The following CLCA4 variants were observed in gnomAD, a reference collection of about 807,000 sequenced individuals.
The protein encoded by CLCA4 is chloride channel accessory 4.
Under a neutral mutation model 78.9 loss-of-function variants are expected in CLCA4, and 69 were observed. That is an observed-to-expected ratio of 0.87 (90% CI 0.72 to 1.07). The LOEUF is 1.07. Ranked by LOEUF, CLCA4 falls within the 50% of genes least tolerant of loss-of-function variation. The pLI is 0.00. For synonymous variants in CLCA4, 362 were observed against 375.8 expected (o/e 0.96, Z 0.42); for missense variants, 1,133 against 1,095.8 (o/e 1.03, Z -0.48).
rs1650635868 is a variant in CLCA4, at chr1:86,579,401, C to A, written c.2170C>A (p.Gln724Lys). The A allele has an allele frequency of 8.1e-6, 13 of 1,613,102 alleles. No individual in the cohort carries two copies. The highest frequency in any genetic ancestry group is 1.1e-5 in the Non-Finnish European group (13 of 1,179,476). ...PPRPEIDEDT[Q>K]TTLEDFSRTA... is the part of the protein sequence containing the mutation. ...AAGACCTGAAATTGATGAGGATACT[C>A]AGACCACCTTGGAGGATTTCAGCCG... The change falls in exon 13 of 14, where the codon CAG becomes AAG. Residue 724 changes from glutamine (Q) to lysine (K), a missense_variant. By Grantham distance (53) the Gln-to-Lys change is moderately conservative. Coordinates refer to ENST00000370563, the MANE Select transcript of CLCA4 (RefSeq NM_012128.4).
chr1:86,579,549 C>G lies in CLCA4; in HGVS notation c.2318C>G (p.Thr773Arg). Residue 773 changes from threonine to arginine, a missense_variant, in exon 13 of 14, where the codon ACA becomes AGA. By Grantham distance (71) the Thr-to-Arg change is moderately conservative. Transcript: ENST00000370563. The stretch of plus-strand genomic sequence containing the variant: ...GTTCATGAGGATAAGATTATTCTTA[C>G]ATGGACAGCACCAGGAGATAATTTT... ...ATVHEDKIILTWTAPGDNFDV... is the reference protein window; with the variant it reads ...ATVHEDKIILRWTAPGDNFDV... The G allele has an allele frequency of 1.2e-6, 2 of 1,611,864 alleles. No homozygotes were observed. The highest frequency in any genetic ancestry group is 2.2e-5 in the South Asian group (2 of 91,016).
chr1:86,565,186 T>A lies in CLCA4; in HGVS notation c.558-88T>A, dbSNP rs746862618. 4.7e-6 allele frequency: 4 copies of A among 855,002 alleles called. No homozygotes were observed. In the East Asian group the frequency reaches 7.6e-5, roughly 16 times the overall value. The allele number at this position is 855,002 out of a possible 1,614,324, so 53.0% of individuals were successfully genotyped here. A position where few individuals can be genotyped will look rare whatever the true frequency, so the allele number is the denominator to read the frequency against. ...CCATAGAAGAATAAACATCTTGATA[T>A]AAAGTTCATCATGAATAGAACCACT... On this transcript the variant is annotated intron_variant, in intron 4 of 13. Coordinates refer to ENST00000370563, the MANE Select transcript of CLCA4 (RefSeq NM_012128.4).
At chr1:86,552,390 G>A (rs750925771) in intron 1 of CLCA4, among the ~76,000 whole-genome samples, 7 of 152,224 alleles carry the variant, frequency 4.6e-5, no homozygotes, top group Non-Finnish European at 8.8e-5. Context: ...CCAGAGAGGA[G>A]AAGTCTTCCA....
Position 86,574,513 on chromosome 1 carries a change from CA to C in CLCA4, c.1468-26del, listed in dbSNP as rs538845344. On this transcript the variant is annotated intron_variant, in intron 9 of 13. Coordinates refer to ENST00000370563, the MANE Select transcript of CLCA4 (RefSeq NM_012128.4). ...GAATAAAATTACTGTCTTCTGCAGT[CA>C]TTAATTTTGAAATCTATTTAAACAG... The C allele has an allele frequency of 4.9e-4, 750 of 1,544,132 alleles. 4 individuals are homozygous for C. The South Asian group carries it at 7.3e-3, about 15-fold the overall frequency.
intron 7 of CLCA4, among the ~76,000 whole-genome samples, chr1:86,570,114 GC>G (rs754508179): frequency 2.0e-5 from 3 of 151,910 alleles, no homozygotes; most frequent in Non-Finnish European, 4.4e-5. Context: ...TTCAAAACAT[GC>G]AAAAATTGTA....
Position 86,559,944 on chromosome 1 carries a change from A to G in CLCA4, c.172A>G (p.Thr58Ala). 1.3e-6 allele frequency: 2 copies of G among 1,597,734 alleles called. No individual in the cohort carries two copies. Among genetic ancestry groups the G allele is most frequent in the Non-Finnish European group, 1.7e-6 (2 of 1,174,484 alleles). ...IIEQIEDMVT[T>A]ASTYLFEATE... ...CCTTTAATGACAGGATATGGTGACT[A>G]CAGCTTCTACGTACCTGTTTGAAGC... The change falls in exon 2 of 14, where the codon ACA (threonine) becomes GCA (alanine). Residue 58 changes from threonine (T) to alanine (A), a missense_variant. By Grantham distance (58) the Thr-to-Ala change is moderately conservative (BLOSUM62 0). Transcript: ENST00000370563.
intron 1 of CLCA4, among the ~76,000 whole-genome samples, chr1:86,551,614 T>G (rs1649665544): frequency 6.6e-6 from 1 of 152,144 alleles, no homozygotes; most frequent in Admixed American, 6.5e-5. Flanking sequence ...CCAGCACCAA[T>G]CTAACAGAGC....
At chr1:86,554,848 C>T (rs1332393924) in intron 1 of CLCA4, among the ~76,000 whole-genome samples, 6 of 151,212 alleles carry the variant, frequency 4.0e-5, no homozygotes, top group East Asian at 1.9e-4. Context: ...TCCTCAACCT[C>T]GCAAGCATCT....
At chr1:86,575,711 GAGGAACAGC>G (rs1394682131) in intron 11 of CLCA4, 112 bp downstream of exon 11, 10 of 994,816 alleles carry the variant, frequency 1.0e-5, no homozygotes, top group East Asian at 7.2e-5. Context: ...GCAGATTAAG[GAGGAACAGC>G]AGGAACAGCA....
Position 86,579,928 on chromosome 1 carries a change from C to CT in CLCA4, c.2357-6dup, listed in dbSNP as rs746448953. On this transcript the variant is annotated splice_polypyrimidine_tract_variant and intron_variant, in intron 13 of 13. Transcript: ENST00000370563. ...GCTGCAGTCTCTAAACTACATGTAACTTTTTTTTCTCAGTTCAACGTTATA... is the reference window on the plus strand; with the variant it reads ...GCTGCAGTCTCTAAACTACATGTAACTTTTTTTTTCTCAGTTCAACGTTATA... The CT allele has an allele frequency of 1.7e-5, 26 of 1,517,800 alleles. No individual in the cohort carries two copies. The highest frequency in any genetic ancestry group is 2.1e-5 in the Non-Finnish European group (23 of 1,121,764). 94.0% of individuals were successfully genotyped at this position (1,517,800 alleles called of 1,614,324 possible). A position where few individuals can be genotyped will look rare whatever the true frequency, so the allele number is the denominator to read the frequency against.
chr1:86,557,542 T>C (rs1649887886), intron 1 of CLCA4, among the ~76,000 whole-genome samples: 1 of 152,208 alleles, frequency 6.6e-6, no homozygotes, highest in Admixed American at 6.5e-5. Context: ...GTTCTTACTC[T>C]TGAATTCTAT....
chr1:86,577,042 G>C (rs1284865862), intron 11 of CLCA4, among the ~76,000 whole-genome samples: 1 of 152,046 alleles, frequency 6.6e-6, no homozygotes, highest in African/African-American at 2.4e-5. Context: ...AGTTGCCCCT[G>C]AGAAAAACTG....
At chr1:86,560,637 C>G (rs1321449222) in intron 3 of CLCA4, among the ~76,000 whole-genome samples, 1 of 152,162 alleles carries the variant, frequency 6.6e-6, no homozygotes, top group African/African-American at 2.4e-5. Flanking sequence ...AAAATATAAA[C>G]AGAGAAAAGC....
At position 86,572,728 on chromosome 1, in the gene CLCA4, T is replaced by C; in HGVS notation, c.1467+8T>C. ...TCCCAGAAGTCCCTTCAGGTCAGAG[T>C]TCTCATTCCTTGGGTTTTCATGTTC... On this transcript the variant is annotated splice_region_variant and intron_variant, in intron 9 of 13. Transcript: ENST00000370563. The C allele has an allele frequency of 6.8e-7, 1 of 1,474,222 alleles. No individual in the cohort carries two copies. Among genetic ancestry groups the C allele is most frequent in the East Asian group, 2.3e-5 (1 of 44,106 alleles). The allele number at this position is 1,474,222 out of a possible 1,614,324, so 91.3% of individuals were successfully genotyped here. A position where few individuals can be genotyped will look rare whatever the true frequency, so the allele number is the denominator to read the frequency against.
At chr1:86,549,486 C>T (rs1157905742) in intron 1 of CLCA4, among the ~76,000 whole-genome samples, 20 of 152,120 alleles carry the variant, frequency 1.3e-4, no homozygotes, top group Admixed American at 1.3e-3. Flanking sequence ...ATCACTCTGA[C>T]TGCAATATTA....
chr1:86,579,636 T>C, intron 13 of CLCA4, 49 bp downstream of exon 13: 1 of 1,216,612 alleles, frequency 8.2e-7, no homozygotes, highest in Non-Finnish European at 1.2e-6. Flanking sequence ...AGGTGCTAAT[T>C]GCAAAAACAG....
At chr1:86,547,454 C>T (rs1384882489) in intron 1 of CLCA4, among the ~76,000 whole-genome samples, 176 bp downstream of exon 1, 1 of 152,136 alleles carries the variant, frequency 6.6e-6, no homozygotes, top group African/African-American at 2.4e-5. Flanking sequence ...TTTATCTTTG[C>T]ATTGTGTCGG....
At chr1:86,569,407 G>A (rs1650286261) in intron 7 of CLCA4, among the ~76,000 whole-genome samples, 1 of 151,952 alleles carries the variant, frequency 6.6e-6, no homozygotes, top group Non-Finnish European at 1.5e-5. Context: ...GGTTGGAGAG[G>A]TAGACAATGA....
Position 86,557,663 on chromosome 1 carries a change from G to C in CLCA4, c.160-2269G>C, listed in dbSNP as rs532465093. On this transcript the variant is annotated intron_variant, in intron 1 of 13. Coordinates refer to ENST00000370563, the MANE Select transcript of CLCA4 (RefSeq NM_012128.4). ...TGGTTGAGTTTAGAGTATGTGCCATGTGGTGATGAGAAGAATGTATATTCT... is the reference window on the plus strand; with the variant it reads ...TGGTTGAGTTTAGAGTATGTGCCATCTGGTGATGAGAAGAATGTATATTCT... 3.1e-4 allele frequency among the ~76,000 whole-genome samples: 47 copies of C among 152,284 alleles called. 1 individual carries two copies. In the South Asian group the frequency reaches 7.9e-3, roughly 26 times the overall value.
Sources: gnomAD v4.1 joint callset for allele counts (sites outside exome capture counted in the v4.1 genomes callset) on GRCh38, gnomAD v4.1.1 for gene constraint, MANE v1.5 for transcripts, NCBI Gene and HGNC (gene_info 2026-07-23, HGNC 2026-07-21) for gene names.